Variants in MCF2L observed in about 807,000 individuals in gnomAD.
The protein encoded by MCF2L is MCF.2 cell line derived transforming sequence like.
In MCF2L, 97 loss-of-function variants were observed where a neutral mutation model predicts 153.4. That is an observed-to-expected ratio of 0.63 (90% CI 0.54 to 0.75). MCF2L has a LOEUF of 0.75. Ranked by LOEUF, MCF2L falls within the 30% of genes least tolerant of loss-of-function variation. The pLI is 0.00. For missense variants in MCF2L, 1,347 were observed against 1,495.2 expected (o/e 0.90, Z 1.64); for synonymous variants, 659 against 632.2 (o/e 1.04, Z -0.64).
Position 113,088,608 on chromosome 13 carries a change from G to A in MCF2L, c.2814G>A (p.Leu938=), listed in dbSNP as rs757115401. The A allele has an allele frequency of 1.7e-5, 28 of 1,608,154 alleles. No individual in the cohort carries two copies. Among genetic ancestry groups the A allele is most frequent in the Non-Finnish European group, 2.1e-5 (25 of 1,179,846 alleles). ...TGGAGCAGTCACAGAGCCTGCCCCTGCCGGCCCCGACCAGCACCAGGTGAG... is the reference window on the plus strand; with the variant it reads ...TGGAGCAGTCACAGAGCCTGCCCCTACCGGCCCCGACCAGCACCAGGTGAG... The part of the protein sequence containing the change: ...RALEQSQSLP[L]PAPTSTSPSR... Residue 938 remains leucine, a synonymous_variant, in exon 25 of 30, where the codon CTG becomes CTA. Coordinates refer to ENST00000535094, the MANE Select transcript of MCF2L (RefSeq NM_001112732.3).
intron 2 of MCF2L, among the ~76,000 whole-genome samples, chr13:112,929,116 T>C (rs1455947697): frequency 1.3e-5 from 2 of 152,222 alleles, no homozygotes; most frequent in African/African-American, 4.8e-5. Flanking sequence ...GCACTCGGTG[T>C]TTCCACATCC....
chr13:112,925,754 A>G (rs1378877692), intron 2 of MCF2L, among the ~76,000 whole-genome samples: 2 of 152,146 alleles, frequency 1.3e-5, no homozygotes, highest in African/African-American at 4.8e-5. Context: ...GTTTGATGTG[A>G]TAAACTGCTC....
At chr13:112,974,041 A>T (rs891619225) in intron 1 of MCF2L, among the ~76,000 whole-genome samples, 7 of 151,672 alleles carry the variant, frequency 4.6e-5, no homozygotes, top group African/African-American at 1.7e-4. Flanking sequence ...CCACTGTTTC[A>T]TCAGCTCCCA....
At chr13:112,908,268 C>T (rs1308961006) in intron 2 of MCF2L, among the ~76,000 whole-genome samples, 3 of 152,198 alleles carry the variant, frequency 2.0e-5, no homozygotes, top group African/African-American at 7.2e-5. Flanking sequence ...TGGGGTGGAC[C>T]ACCGCCCCAG....
intron 8 of MCF2L, 41 bp downstream of exon 8, chr13:113,066,211 C>T: frequency 6.4e-7 from 1 of 1,556,340 alleles, no homozygotes; most frequent in Non-Finnish European, 8.7e-7. Flanking sequence ...CTGTCCCAGT[C>T]CATGGCAGGA....
At chr13:112,972,293 A>G (rs989823875) in intron 1 of MCF2L, among the ~76,000 whole-genome samples, 10 of 113,468 alleles carry the variant, frequency 8.8e-5, no homozygotes, top group Non-Finnish European at 1.7e-4. Context: ...GGGTGGATGA[A>G]TGGATGTGTG....
chr13:113,066,113 A>G lies in MCF2L; in HGVS notation c.824A>G (p.Glu275Gly). Reference sequence around the variant, plus strand: ...GAGAGCCTCAGGGAGCTGCAGGCTGAGGGCTCAGAGCCCAGTGTGAACCAG... The same window carrying G: ...GAGAGCCTCAGGGAGCTGCAGGCTGGGGGCTCAGAGCCCAGTGTGAACCAG... The part of the protein sequence containing the change: ...VLESLRELQA[E>G]GSEPSVNQDQ... Residue 275 changes from glutamate to glycine, a missense_variant, in exon 8 of 30, where the codon GAG becomes GGG. Glu to Gly is a moderately conservative substitution (Grantham distance 98, BLOSUM62 -2). Transcript: ENST00000535094. 1.9e-6 allele frequency: 3 copies of G among 1,613,308 alleles called. No individual in the cohort carries two copies. Among genetic ancestry groups the G allele is most frequent in the Non-Finnish European group, 2.5e-6 (3 of 1,179,942 alleles).
intron 1 of MCF2L, 43 bp from the exon 2 acceptor site, chr13:113,014,720 A>G: frequency 6.4e-7 from 1 of 1,568,456 alleles, no homozygotes; most frequent in Non-Finnish European, 8.8e-7. Flanking sequence ...AGGGTGAGGC[A>G]GCTTCCTGGG....
At chr13:112,925,472 C>T (rs1227739273) in intron 2 of MCF2L, among the ~76,000 whole-genome samples, 1 of 152,184 alleles carries the variant, frequency 6.6e-6, no homozygotes, top group Non-Finnish European at 1.5e-5. Context: ...GACACCCTAA[C>T]CTCTAGGAGC....
chr13:113,057,105 G>T (rs1408921189), intron 4 of MCF2L, among the ~76,000 whole-genome samples: 2 of 147,868 alleles, frequency 1.4e-5, no homozygotes, highest in Non-Finnish European at 3.0e-5. Context: ...TGGGTGCTGT[G>T]TGTTTGGGTG....
At chr13:113,011,225 G>A (rs1007766694) in intron 1 of MCF2L, among the ~76,000 whole-genome samples, 3 of 152,176 alleles carry the variant, frequency 2.0e-5, no homozygotes, top group Non-Finnish European at 2.9e-5. Context: ...CAGATGTAGC[G>A]ATATTTTAGA....
chr13:113,095,250 G>A (rs2035549723), intron 27 of MCF2L: 1 of 1,198,094 alleles, frequency 8.3e-7, no homozygotes, highest in South Asian at 1.5e-5. Context: ...GCTGTGCGTG[G>A]TCCATGCCCC....
intron 2 of MCF2L, among the ~76,000 whole-genome samples, chr13:112,920,778 G>A (rs1411250803): frequency 6.6e-6 from 1 of 152,066 alleles, no homozygotes; most frequent in Non-Finnish European, 1.5e-5. Flanking sequence ...GGATTCAGAA[G>A]GTGGAGAGGA....
At chr13:112,975,389 T>TCAAAC in intron 1 of MCF2L, among the ~76,000 whole-genome samples, 1 of 152,308 alleles carries the variant, frequency 6.6e-6, no homozygotes, top group Admixed American at 6.5e-5. Flanking sequence ...ACCTGTGAGG[T>TCAAAC]CAAACCCCAG....
intron 2 of MCF2L, among the ~76,000 whole-genome samples, chr13:112,918,825 C>T (rs1476953280): frequency 6.6e-6 from 1 of 152,158 alleles, no homozygotes; most frequent in African/African-American, 2.4e-5. Flanking sequence ...GAAGCATCGG[C>T]CCAGACTTTC....
At chr13:113,026,859 G>C (rs776204888) in intron 3 of MCF2L, 3 of 723,646 alleles carry the variant, frequency 4.1e-6, no homozygotes, top group Non-Finnish European at 7.7e-6. Flanking sequence ...CCAGTTCTGT[G>C]TCTCCCCAGC....
In MCF2L at chr13:112,904,647, G is replaced by C. The variant is rs2081153962; in HGVS notation, c.169+2276G>C. Among the ~76,000 whole-genome samples the C allele has an allele frequency of 3.3e-5, 5 of 152,358 alleles. No homozygotes were observed. In the South Asian group the frequency reaches 1.0e-3, roughly 32 times the overall value. On this transcript the variant is annotated intron_variant, in intron 2 of 29. Coordinates refer to the MCF2L transcript ENST00000375608. This position sits in a 1 kb window ranked among gnomAD's most constrained non-coding sequence, Gnocchi z 4.2. ...TTCCCTCCAACCCTGGACTCCAGGG[G>C]ATTGGAAGATAATCTGCTTAGAGTT...
intron 18 of MCF2L, 40 bp from the exon 19 acceptor site, chr13:113,084,826 GTCCCTCACCGCGTGATGCGCTGCCCA>G (rs2142022336): frequency 3.3e-6 from 4 of 1,227,988 alleles, no homozygotes; most frequent in East Asian, 2.3e-5. Context: ...TGCGGTGCCC[GTCCCTCACCGCGTGATGCGCTGCCCA>G]TCCCTCACTG....
At chr13:113,023,346 T>C (rs1323718408) in intron 2 of MCF2L, among the ~76,000 whole-genome samples, 2 of 152,210 alleles carry the variant, frequency 1.3e-5, no homozygotes, top group African/African-American at 4.8e-5. Flanking sequence ...CACGGAGCCC[T>C]GTACTGAGGA....
Sources: allele counts gnomAD v4.1 joint callset (sites outside exome capture counted in the v4.1 genomes callset), GRCh38; gene constraint gnomAD v4.1.1; non-coding constraint Gnocchi (gnomAD v3.1); transcripts MANE v1.5; gene names NCBI Gene and HGNC (gene_info 2026-07-23, HGNC 2026-07-21).